Variants in HS6ST3 observed in about 807,000 individuals in gnomAD.
HS6ST3 encodes heparan sulfate 6-O-sulfotransferase 3.
A neutral mutation model predicts 36.7 loss-of-function variants in HS6ST3; 12 were observed. That is an observed-to-expected ratio of 0.33 (90% CI 0.21 to 0.53). HS6ST3 has a LOEUF of 0.53. Among genes scored for constraint, HS6ST3 ranks in the 20% least tolerant of loss-of-function variants. The pLI is 0.95. For synonymous variants in HS6ST3, 240 were observed against 257.5 expected (o/e 0.93, Z 0.65); for missense variants, 584 against 640.9 (o/e 0.91, Z 0.96).
intron 1 of HS6ST3, among the ~76,000 whole-genome samples, chr13:96,295,803 G>A (rs1355233041): frequency 6.6e-6 from 1 of 152,106 alleles, no homozygotes; most frequent in Non-Finnish European, 1.5e-5. Context: ...GTTTGGAACA[G>A]GAAACATCAA....
chr13:96,609,458 T>C (rs1243959529), intron 1 of HS6ST3, among the ~76,000 whole-genome samples: 2 of 152,332 alleles, frequency 1.3e-5, no homozygotes, highest in Admixed American at 1.3e-4. Context: ...TGGATGTCTT[T>C]GGAAACCTGC....
chr13:96,191,709 C>T (rs2054289292), intron 1 of HS6ST3, among the ~76,000 whole-genome samples: 1 of 152,066 alleles, frequency 6.6e-6, no homozygotes, highest in Non-Finnish European at 1.5e-5. Context: ...TGAAACGGTG[C>T]CCTAGTACTA....
At chr13:96,288,646 TAA>T (rs1398317815) in intron 1 of HS6ST3, among the ~76,000 whole-genome samples, 2 of 152,056 alleles carry the variant, frequency 1.3e-5, no homozygotes, top group Non-Finnish European at 2.9e-5. Context: ...TTCAGCGTGA[TAA>T]AGACCATTTA....
intron 1 of HS6ST3, among the ~76,000 whole-genome samples, chr13:96,325,313 C>T (rs539022027): frequency 6.6e-6 from 1 of 152,196 alleles, no homozygotes; most frequent in East Asian, 1.9e-4. Context: ...CACAGTTGAC[C>T]TTCTGTATCT....
chr13:96,590,694 A>G (rs1594813567), intron 1 of HS6ST3, among the ~76,000 whole-genome samples: 1 of 152,018 alleles, frequency 6.6e-6, no homozygotes, highest in African/African-American at 2.4e-5. Flanking sequence ...TTTTAACTTG[A>G]TGTGATTCCA....
chr13:96,752,405 A>G (rs1174856756), intron 1 of HS6ST3, among the ~76,000 whole-genome samples: 5 of 152,126 alleles, frequency 3.3e-5, no homozygotes, highest in African/African-American at 1.2e-4. Flanking sequence ...CAAAGTTTTA[A>G]CACACCCACC....
intron 1 of HS6ST3, among the ~76,000 whole-genome samples, chr13:96,509,724 A>G (rs916181191): frequency 6.6e-6 from 1 of 152,054 alleles, no homozygotes; most frequent in African/African-American, 2.4e-5. Context: ...TATACCAGTA[A>G]CCTGCTGTTT....
rs534230114 is a variant in HS6ST3, at chr13:96,550,203, C to A, written c.708-282287C>A. ...AGATGTTTGGGTTGTGGAGGTGGAT[C>A]TCTCATGAATGGCTTTGTGCTGTCC... is the stretch of plus-strand genomic sequence containing the variant. On this transcript the variant is annotated intron_variant, in intron 1 of 1. Transcript: ENST00000376705. Among the ~76,000 whole-genome samples the A allele has an allele frequency of 1.5e-3, 226 of 152,180 alleles. 1 individual carries two copies. Among genetic ancestry groups the A allele is most frequent in the African/African-American group, 5.1e-3 (212 of 41,528 alleles).
intron 1 of HS6ST3, among the ~76,000 whole-genome samples, chr13:96,249,614 A>G (rs2139376672): frequency 1.3e-5 from 2 of 152,330 alleles, no homozygotes; most frequent in East Asian, 1.9e-4. Context: ...TCGTCTCCCC[A>G]GTATAATCTG....
rs2055463357 is a variant in HS6ST3, at chr13:96,403,763, AGCGT to A, written c.707+312196_707+312199del. 3.3e-5 allele frequency among the ~76,000 whole-genome samples: 5 copies of A among 152,342 alleles called. No individual in the cohort carries two copies. In the South Asian group the frequency reaches 1.0e-3, roughly 32 times the overall value. On this transcript the variant is annotated intron_variant, in intron 1 of 1. Coordinates refer to ENST00000376705, the MANE Select transcript of HS6ST3 (RefSeq NM_153456.4). The stretch of plus-strand genomic sequence containing the variant: ...GCTGTGAAACTTCAATGCTTTCATT[AGCGT>A]GTATCAGGGTCATTACAGTAGTGAC...
intron 1 of HS6ST3, among the ~76,000 whole-genome samples, chr13:96,611,950 G>T (rs1201236260): frequency 6.6e-6 from 1 of 152,148 alleles, no homozygotes. Flanking sequence ...CATGGCATTT[G>T]CAAGAATGGA....
At chr13:96,268,380 A>C (rs2054703138) in intron 1 of HS6ST3, among the ~76,000 whole-genome samples, 2 of 152,020 alleles carry the variant, frequency 1.3e-5, no homozygotes, top group Non-Finnish European at 2.9e-5. Context: ...TGCAGAGTGA[A>C]GAAGGGGAGG....
intron 1 of HS6ST3, among the ~76,000 whole-genome samples, chr13:96,520,216 A>G (rs1202901642): frequency 6.6e-6 from 1 of 152,050 alleles, no homozygotes; most frequent in Non-Finnish European, 1.5e-5. Flanking sequence ...TGGTCTGTAT[A>G]TCTGTTTTGG....
At chr13:96,350,146 T>G (rs2055174751) in intron 1 of HS6ST3, among the ~76,000 whole-genome samples, 1 of 152,234 alleles carries the variant, frequency 6.6e-6, no homozygotes, top group African/African-American at 2.4e-5. Flanking sequence ...CTGCTATTAT[T>G]CATGTAAATT....
intron 1 of HS6ST3, among the ~76,000 whole-genome samples, chr13:96,655,779 G>T (rs557469542): frequency 1.3e-5 from 2 of 152,176 alleles, no homozygotes; most frequent in South Asian, 2.1e-4. Context: ...GGTGATGTTG[G>T]CTGGGAAAGG....
At chr13:96,673,369 G>T (rs553267817) in intron 1 of HS6ST3, among the ~76,000 whole-genome samples, 7 of 152,188 alleles carry the variant, frequency 4.6e-5, no homozygotes, top group East Asian at 1.9e-4. Context: ...ATATCTTCGG[G>T]TAGCTATTAT....
chr13:96,412,809 A>T (rs891626513), intron 1 of HS6ST3, among the ~76,000 whole-genome samples: 2 of 151,210 alleles, frequency 1.3e-5, no homozygotes, highest in African/African-American at 4.8e-5. Context: ...ACAAATTTCC[A>T]TGTTAGAATA....
intron 1 of HS6ST3, among the ~76,000 whole-genome samples, chr13:96,371,933 T>G (rs1384001371): frequency 6.6e-6 from 1 of 152,210 alleles, no homozygotes; most frequent in African/African-American, 2.4e-5. Context: ...TTGTAAATAA[T>G]GCTGCAGTAA....
chr13:96,753,816 A>C (rs1409887459), intron 1 of HS6ST3, among the ~76,000 whole-genome samples: 1 of 151,932 alleles, frequency 6.6e-6, no homozygotes, highest in African/African-American at 2.4e-5. Context: ...ATTACATTGT[A>C]CTGTTAGAAT....
Sources: allele counts gnomAD v4.1 joint callset (sites outside exome capture counted in the v4.1 genomes callset), GRCh38; gene constraint gnomAD v4.1.1; transcripts MANE v1.5; gene names NCBI Gene and HGNC (gene_info 2026-07-23, HGNC 2026-07-21).